FBXW11: variants seen among roughly 807,000 people sequenced by gnomAD.
The protein encoded by FBXW11 is F-box and WD repeat domain containing 11.
In FBXW11, 19 loss-of-function variants were observed where a neutral mutation model predicts 77.6. The ratio of observed to expected loss-of-function variants is 0.24; its 90% CI spans 0.17 to 0.36. The LOEUF is 0.36. Among genes scored for constraint, FBXW11 ranks in the 10% least tolerant of loss-of-function variants. The pLI, the probability that FBXW11 is intolerant of heterozygous loss-of-function variation, is 1.00. For missense variants in FBXW11, 334 were observed against 704.2 expected (o/e 0.47, Z 5.95); for synonymous variants, 235 against 249.4 (o/e 0.94, Z 0.54).
At chr5:171,893,937 C>T (rs372664587) in intron 6 of FBXW11, among the ~76,000 whole-genome samples, 2 of 151,306 alleles carry the variant, frequency 1.3e-5, no homozygotes, top group African/African-American at 4.9e-5. Context: ...CATTTACTAC[C>T]GCATGAGAGT....
chr5:171,999,901 T>A (rs944553970), intron 1 of FBXW11, among the ~76,000 whole-genome samples: 2 of 152,204 alleles, frequency 1.3e-5, no homozygotes, highest in African/African-American at 4.8e-5. Context: ...CTCTTCATTG[T>A]TAACTCAACC....
chr5:171,904,835 G>A lies in FBXW11; in HGVS notation c.437-4735C>T, dbSNP rs1375423771. On this transcript the variant is annotated intron_variant, in intron 4 of 13. Coordinates refer to ENST00000517395, the MANE Select transcript of FBXW11 (RefSeq NM_001378974.1). This position sits in a 1 kb window ranked among gnomAD's most constrained non-coding sequence, Gnocchi z 4.0. Reference sequence around the variant, plus strand: ...TCCACCCAACTCGGCCTCCCAAAGTGCTGGGATTACAGGTGTGAGCCACCG... The same window carrying A: ...TCCACCCAACTCGGCCTCCCAAAGTACTGGGATTACAGGTGTGAGCCACCG... Among the ~76,000 whole-genome samples, 2 of 152,020 alleles carry A rather than the reference G, an allele frequency of 1.3e-5. No individual in the cohort carries two copies. Among genetic ancestry groups the A allele is most frequent in the Non-Finnish European group, 1.5e-5 (1 of 67,998 alleles).
At chr5:171,891,208 G>A (rs921164823) in intron 7 of FBXW11, among the ~76,000 whole-genome samples, 3 of 152,020 alleles carry the variant, frequency 2.0e-5, no homozygotes, top group Admixed American at 1.3e-4. Context: ...GTGATACTGG[G>A]ATATTTTCTA....
At chr5:171,874,624 G>A (rs1757955565) in intron 9 of FBXW11, among the ~76,000 whole-genome samples, 1 of 152,066 alleles carries the variant, frequency 6.6e-6, no homozygotes, top group Admixed American at 6.5e-5. Context: ...AGGTTCTTCT[G>A]AGCAAGCTGA....
chr5:171,961,520 C>A (rs1264461608), intron 1 of FBXW11, among the ~76,000 whole-genome samples: 1 of 152,154 alleles, frequency 6.6e-6, no homozygotes, highest in Non-Finnish European at 1.5e-5. Context: ...AAGGTAGGTT[C>A]CTCTTAGGTC....
chr5:171,869,894 G>C lies in FBXW11; in HGVS notation c.1452-87C>G. 4.1e-6 allele frequency: 3 copies of C among 736,946 alleles called. No homozygotes were observed. The highest frequency in any genetic ancestry group is 6.7e-6 in the Non-Finnish European group (3 of 450,658). 45.7% of individuals were successfully genotyped at this position (736,946 alleles called of 1,614,324 possible). On this transcript the variant is annotated intron_variant, in intron 11 of 13. Coordinates refer to ENST00000517395, the MANE Select transcript of FBXW11 (RefSeq NM_001378974.1). This position sits in a 1 kb window ranked among gnomAD's most constrained non-coding sequence, Gnocchi z 4.1. ...TTCCTTGAAAAAAAGTAGTGCATCT[G>C]AACTGCCTATTTATAAAAGCTAATG...
rs1040765936 is a variant in FBXW11 at position 171,905,540 on chromosome 5, G to T, written c.436+5032C>A. The stretch of plus-strand genomic sequence containing the variant: ...AAGGCCGATACACAATATTCTTCTT[G>T]TTACCTTCTGCAGAAAAAATACTAC... On this transcript the variant is annotated intron_variant, in intron 4 of 13. Coordinates refer to ENST00000517395, the MANE Select transcript of FBXW11 (RefSeq NM_001378974.1). 4.0e-5 allele frequency among the ~76,000 whole-genome samples: 6 copies of T among 149,478 alleles called. 1 individual carries two copies. The highest frequency in any genetic ancestry group is 3.4e-3 in the Middle Eastern group (1 of 290).
intron 1 of FBXW11, among the ~76,000 whole-genome samples, chr5:171,972,315 A>G (rs1440520535): frequency 1.2e-5 from 1 of 82,726 alleles, no homozygotes; most frequent in Non-Finnish European, 2.6e-5. Context: ...TCGTCTCTAC[A>G]AAAATAAATA....
At chr5:171,890,538 A>G (rs921653904) in intron 7 of FBXW11, among the ~76,000 whole-genome samples, 2 of 151,618 alleles carry the variant, frequency 1.3e-5, no homozygotes, top group Non-Finnish European at 2.9e-5. Context: ...GTGAAATGGT[A>G]CAGGCACTTT....
In FBXW11 at chr5:171,965,114, CA is replaced by C. The variant is rs748152650; in HGVS notation, c.46-7417del. ...TCTGCCAAGTTTTTAGATTCAAGAA[CA>C]GCCCAAAAGTAGTGGAATCAGGACT... On this transcript the variant is annotated intron_variant, in intron 1 of 13. Coordinates refer to ENST00000517395, the MANE Select transcript of FBXW11 (RefSeq NM_001378974.1). Among the ~76,000 whole-genome samples, 15 of 152,296 alleles carry C rather than the reference CA, an allele frequency of 9.8e-5. No individual in the cohort carries two copies. The East Asian group carries it at 2.9e-3, about 29-fold the overall frequency.
chr5:172,006,378 TCG>T, intron 1 of FBXW11, 78 bp downstream of exon 1: 1 of 1,310,270 alleles, frequency 7.6e-7, no homozygotes, highest in Non-Finnish European at 1.0e-6. Flanking sequence ...AGAGCCGGCC[TCG>T]CACCGGACGT....
intron 2 of FBXW11, among the ~76,000 whole-genome samples, chr5:171,954,094 T>G (rs1459089903): frequency 6.6e-6 from 1 of 152,222 alleles, no homozygotes; most frequent in Middle Eastern, 3.2e-3. Flanking sequence ...CTCCCCCAGC[T>G]GAGGCTGCAA....
intron 1 of FBXW11, among the ~76,000 whole-genome samples, chr5:171,980,402 T>C (rs901611697): frequency 1.3e-5 from 2 of 152,132 alleles, no homozygotes; most frequent in African/African-American, 2.4e-5. Context: ...AGACCTGCTA[T>C]CCATCAAAAA....
chr5:171,878,424 C>T (rs1198504212), intron 7 of FBXW11, among the ~76,000 whole-genome samples: 1 of 152,094 alleles, frequency 6.6e-6, no homozygotes, highest in Non-Finnish European at 1.5e-5. Flanking sequence ...GAAAAGAATT[C>T]GCTCACTGAC....
chr5:171,934,522 C>T (rs1762371090), intron 2 of FBXW11, among the ~76,000 whole-genome samples: 3 of 151,722 alleles, frequency 2.0e-5, no homozygotes, highest in Middle Eastern at 6.8e-3. Flanking sequence ...ACTAAAAATA[C>T]AAAAATTAGC....
At chr5:171,906,051 T>A (rs1760495974) in intron 4 of FBXW11, among the ~76,000 whole-genome samples, 1 of 152,172 alleles carries the variant, frequency 6.6e-6, no homozygotes, top group Non-Finnish European at 1.5e-5. Flanking sequence ...AGGCACAAAT[T>A]TCAAAGCTCA....
chr5:171,880,031 T>G (rs1163137214), intron 7 of FBXW11, among the ~76,000 whole-genome samples: 4 of 152,232 alleles, frequency 2.6e-5, no homozygotes, highest in Non-Finnish European at 4.4e-5. Flanking sequence ...CTAGATTCTC[T>G]CCTATGTTAC....
intron 1 of FBXW11, among the ~76,000 whole-genome samples, chr5:171,961,629 T>C (rs1273660905): frequency 1.3e-5 from 2 of 150,612 alleles, no homozygotes; most frequent in African/African-American, 5.0e-5. Context: ...AAATTACAGC[T>C]AGGACCACAA....
chr5:171,924,020 G>T (rs769388557), intron 2 of FBXW11, among the ~76,000 whole-genome samples: 78 of 135,684 alleles, frequency 5.7e-4, no homozygotes, highest in Non-Finnish European at 1.0e-3. Context: ...CCGCCTCCTG[G>T]GTTCAAGCAA....
Sources: allele counts gnomAD v4.1 joint callset (sites outside exome capture counted in the v4.1 genomes callset), GRCh38; gene constraint gnomAD v4.1.1; non-coding constraint Gnocchi (gnomAD v3.1); transcripts MANE v1.5; gene names NCBI Gene and HGNC (gene_info 2026-07-23, HGNC 2026-07-21).